EXOC2: variants seen among roughly 807,000 people sequenced by gnomAD.
EXOC2 encodes exocyst complex component 2.
In EXOC2, 70 loss-of-function variants were observed where a neutral mutation model predicts 131.8. That is an observed-to-expected ratio of 0.53 (90% confidence interval 0.44 to 0.65). The LOEUF (loss-of-function observed/expected upper bound fraction) is 0.65. EXOC2 is among the 30% of genes least tolerant of loss of function. The pLI is 0.00. For missense variants in EXOC2, 923 were observed against 1,108.6 expected (o/e 0.83, Z 2.38); for synonymous variants, 411 against 398.4 (o/e 1.03, Z -0.38).
At chr6:576,984 T>A (rs1405425946) in intron 11 of EXOC2, 102 bp from the exon 12 acceptor site, 4 of 982,706 alleles carry the variant, frequency 4.1e-6, no homozygotes, top group Admixed American at 2.5e-5. Flanking sequence ...TCTTGCTCAA[T>A]TGCTCCACTC....
At position 507,149 on chromosome 6, in the gene EXOC2, C is replaced by T. The variant is rs1352179061; in HGVS notation, c.2381-7449G>A. On this transcript the variant is annotated intron_variant, in intron 23 of 27. Transcript: ENST00000230449. Reference sequence around the variant, plus strand: ...ATACACACACACATACACACACACACACAAGAAGTGACCCCCCCACCCACA... The same window carrying T: ...ATACACACACACATACACACACACATACAAGAAGTGACCCCCCCACCCACA... 3.8e-5 allele frequency among the ~76,000 whole-genome samples: 3 copies of T among 78,358 alleles called. No homozygotes were observed. The East Asian group carries it at 1.2e-3, about 30-fold the overall frequency. 51.4% of individuals were successfully genotyped at this position (78,358 alleles called of 152,430 possible). A position where few individuals can be genotyped will look rare whatever the true frequency, so the allele number is the denominator to read the frequency against.
At chr6:647,161 A>T (rs955248150) in intron 1 of EXOC2, among the ~76,000 whole-genome samples, 1 of 152,180 alleles carries the variant, frequency 6.6e-6, no homozygotes, top group Non-Finnish European at 1.5e-5. Context: ...TTACAGCACA[A>T]ATTAAATAAG....
chr6:572,081 T>C (rs779811277), intron 13 of EXOC2, among the ~76,000 whole-genome samples: 1 of 152,206 alleles, frequency 6.6e-6, no homozygotes, highest in Non-Finnish European at 1.5e-5. Context: ...TTACATCCTT[T>C]CCAAGGGAAA....
chr6:522,279 G>T lies in EXOC2; in HGVS notation c.2380+10190C>A, dbSNP rs1765509939. ...CTCAGGCAGGTCCACGCGGACTGCA[G>T]GACAGCGTGTGGGGGAGCATTGAGC... On this transcript the variant is annotated intron_variant, in intron 23 of 27. Transcript: ENST00000230449. Among the ~76,000 whole-genome samples the T allele has an allele frequency of 2.6e-5, 4 of 152,060 alleles. 1 individual carries two copies. The South Asian group carries it at 8.3e-4, about 32-fold the overall frequency.
At chr6:553,319 C>T (rs571785354) in intron 21 of EXOC2, among the ~76,000 whole-genome samples, 1 of 151,828 alleles carries the variant, frequency 6.6e-6, no homozygotes, top group Non-Finnish European at 1.5e-5. Flanking sequence ...TACATGTATA[C>T]ATTTTAAAAA....
At chr6:502,418 T>C (rs777156183) in intron 23 of EXOC2, among the ~76,000 whole-genome samples, 51 of 152,008 alleles carry the variant, frequency 3.4e-4, no homozygotes, top group Non-Finnish European at 6.6e-4. Flanking sequence ...AAGCAGAAAA[T>C]TATACTTAGA....
intron 1 of EXOC2, among the ~76,000 whole-genome samples, chr6:665,262 T>TA (rs113220074): frequency 3.3e-5 from 5 of 152,290 alleles, no homozygotes; most frequent in African/African-American, 7.2e-5. Context: ...AGAATGGCCA[T>TA]AATCGAAAAA....
chr6:597,930 A>G (rs1759908380), intron 10 of EXOC2, 91 bp downstream of exon 10: 1 of 861,986 alleles, frequency 1.2e-6, no homozygotes, highest in Non-Finnish European at 1.8e-6. Flanking sequence ...TCAATCTCCT[A>G]AAGTCCCTCA....
intron 1 of EXOC2, among the ~76,000 whole-genome samples, chr6:647,433 T>C (rs534800753): frequency 1.3e-5 from 2 of 150,694 alleles, no homozygotes; most frequent in South Asian, 4.3e-4. Context: ...ACACAACTGG[T>C]ATCTAGTCTC....
intron 21 of EXOC2, 149 bp downstream of exon 21, chr6:553,705 G>T: frequency 1.6e-6 from 1 of 629,458 alleles, no homozygotes; most frequent in South Asian, 2.1e-5. Flanking sequence ...ATACTTTCCT[G>T]AAAATTTCAC....
chr6:488,863 T>G (rs952174865), intron 27 of EXOC2, 116 bp downstream of exon 27: 1 of 1,107,272 alleles, frequency 9.0e-7, no homozygotes, highest in Non-Finnish European at 1.3e-6. Flanking sequence ...ATTCTGATTC[T>G]TATTTGGATT....
At chr6:490,442 T>C (rs57452220) in intron 26 of EXOC2, among the ~76,000 whole-genome samples, 4,651 of 152,218 alleles carry the variant, frequency 0.031, 252 homozygotes, top group African/African-American at 0.1. Context: ...CCGACGGGAA[T>C]GAAAGGCTAA....
intron 4 of EXOC2, among the ~76,000 whole-genome samples, chr6:626,601 T>TC (rs1249855672): frequency 6.6e-6 from 1 of 152,028 alleles, no homozygotes; most frequent in Non-Finnish European, 1.5e-5. Context: ...TTCAAACCTT[T>TC]TTTTTTTTGA....
At chr6:570,774 T>C (rs759822277) in intron 13 of EXOC2, among the ~76,000 whole-genome samples, 1 of 152,236 alleles carries the variant, frequency 6.6e-6, no homozygotes, top group Non-Finnish European at 1.5e-5. Context: ...ATGTTTCTAT[T>C]ATGCTCCTAG....
intron 10 of EXOC2, among the ~76,000 whole-genome samples, chr6:594,343 G>A (rs768528876): frequency 2.6e-5 from 4 of 152,170 alleles, no homozygotes; most frequent in Admixed American, 6.5e-5. Flanking sequence ...CCCAAAGAAC[G>A]TGATTCTATG....
intron 1 of EXOC2, among the ~76,000 whole-genome samples, chr6:663,802 C>G (rs1039075101): frequency 6.6e-6 from 1 of 152,170 alleles, no homozygotes; most frequent in Non-Finnish European, 1.5e-5. Context: ...GTAATAAAAG[C>G]CATGTATGAC....
chr6:639,240 G>C (rs1196219232), intron 1 of EXOC2, among the ~76,000 whole-genome samples: 2 of 152,164 alleles, frequency 1.3e-5, no homozygotes, highest in Admixed American at 1.3e-4. Flanking sequence ...GTGCAGCAAA[G>C]CCGTGGGACT....
intron 1 of EXOC2, among the ~76,000 whole-genome samples, chr6:675,712 C>T (rs62386486): frequency 0.69 from 62,844 of 91,110 alleles, 22,941 homozygotes; most frequent in East Asian, 0.88. Flanking sequence ...GACTGCGGTT[C>T]CCCATACTCT....
chr6:617,594 T>A, intron 6 of EXOC2, 117 bp downstream of exon 6: 1 of 1,335,532 alleles, frequency 7.5e-7, no homozygotes, highest in Non-Finnish European at 1.0e-6. Flanking sequence ...TATAGCACAT[T>A]TGAGATCTCT....
Sources: gnomAD v4.1 joint callset for allele counts (sites outside exome capture counted in the v4.1 genomes callset) on GRCh38, gnomAD v4.1.1 for gene constraint, MANE v1.5 for transcripts, NCBI Gene and HGNC (gene_info 2026-07-23, HGNC 2026-07-21) for gene names.